Variants in MIER2 observed in about 807,000 individuals in gnomAD.
The protein encoded by MIER2 is MIER family member 2.
MIER2 carries 30 observed loss-of-function variants against 67.6 expected under a neutral mutation model. That is an observed-to-expected ratio of 0.44 (90% CI 0.33 to 0.60). The LOEUF (loss-of-function observed/expected upper bound fraction) is 0.60, where lower values mean the gene tolerates loss of function less well. Ranked by LOEUF, MIER2 falls within the 20% of genes least tolerant of loss-of-function variation. The probability of loss-of-function intolerance (pLI) is 0.02; values close to 1 mark genes in which losing one functional copy is unlikely to be tolerated. For missense variants in MIER2, 702 were observed against 745.1 expected (o/e 0.94, Z 0.67); for synonymous variants, 372 against 312.6 (o/e 1.19, Z -2.00).
chr19:335,119 C>G (rs1972180500), intron 2 of MIER2, among the ~76,000 whole-genome samples: 1 of 152,246 alleles, frequency 6.6e-6, no homozygotes, highest in Non-Finnish European at 1.5e-5. Flanking sequence ...CCCGAAAGAA[C>G]TGGGATGTGT....
chr19:328,125 C>A, intron 3 of MIER2, 136 bp from the exon 4 acceptor site: 1 of 1,211,562 alleles, frequency 8.3e-7, no homozygotes, highest in South Asian at 1.5e-5. Context: ...CACATGGCAG[C>A]ACTCCCCAGC....
chr19:341,638 A>G (rs941016580), intron 1 of MIER2, among the ~76,000 whole-genome samples: 5 of 151,910 alleles, frequency 3.3e-5, no homozygotes, highest in Non-Finnish European at 7.4e-5. Context: ...ACTCTACTTC[A>G]CTCACTCAGA....
intron 1 of MIER2, among the ~76,000 whole-genome samples, chr19:341,087 G>A (rs8112033): frequency 1.6e-4 from 24 of 152,108 alleles, no homozygotes; most frequent in African/African-American, 5.8e-4. Context: ...AAGCCACAGG[G>A]AAAGCATCCT....
chr19:324,803 G>A (rs1462391285), intron 7 of MIER2, among the ~76,000 whole-genome samples: 1 of 152,210 alleles, frequency 6.6e-6, no homozygotes, highest in East Asian at 1.9e-4. Context: ...GTGGGGAAAG[G>A]GCCCTGATGA....
At chr19:306,821 C>G (rs1970673328) in intron 13 of MIER2, 110 bp from the exon 14 acceptor site, 1 of 1,505,312 alleles carries the variant, frequency 6.6e-7, no homozygotes, top group Non-Finnish European at 9.0e-7. Context: ...GCCTCCCCCA[C>G]AGCCTATGGC....
At position 344,586 on chromosome 19, in the gene MIER2, C is replaced by CGGGCCGGGCCG. The variant is rs554122544; in HGVS notation, c.9+187_9+188insCGGCCCGGCCC. 8 of 244,550 alleles carry CGGGCCGGGCCG rather than the reference C, an allele frequency of 3.3e-5. 1 individual carries two copies. Among genetic ancestry groups the CGGGCCGGGCCG allele is most frequent in the African/African-American group, 1.2e-4 (5 of 42,234 alleles). The allele number at this position is 244,550 out of a possible 1,614,324, so 15.1% of individuals were successfully genotyped here. A position where few individuals can be genotyped will look rare whatever the true frequency, so the allele number is the denominator to read the frequency against. On this transcript the variant is annotated intron_variant, in intron 1 of 13. Coordinates refer to ENST00000264819, the MANE Select transcript of MIER2 (RefSeq NM_017550.3). ...GCCGGGGGAGTTGGGGGGTGGGGGC[C>CGGGCCGGGCCG]GGCCGGGGGCGGCCGCCGATGGAGC...
At chr19:310,578 G>GGCCGGGAGCTGCAGAAACACA in intron 10 of MIER2, among the ~76,000 whole-genome samples, 1 of 140,880 alleles carries the variant, frequency 7.1e-6, no homozygotes. Flanking sequence ...ATAGAAACAC[G>GGCCGGGAGCTGCAGAAACACA]GCCGGGAGCT....
intron 1 of MIER2, among the ~76,000 whole-genome samples, chr19:338,934 G>A (rs957591301): frequency 6.6e-6 from 1 of 152,024 alleles, no homozygotes; most frequent in Admixed American, 6.6e-5. Context: ...AAATATAAGA[G>A]CCAAAACCAC....
chr19:306,376 G>A lies in MIER2; in HGVS notation c.*314C>T, dbSNP rs1379153395. The A allele has an allele frequency of 5.7e-6, 3 of 524,820 alleles. No individual in the cohort carries two copies. Among genetic ancestry groups the A allele is most frequent in the East Asian group, 3.2e-5 (1 of 31,196 alleles). 32.5% of individuals were successfully genotyped at this position (524,820 alleles called of 1,614,324 possible). ...TGGAAGGGACTAGGTGGCCGGCTCT[G>A]CCCTGCGTCCCAACGGCGGGGTCTC... is the stretch of plus-strand genomic sequence containing the variant. On this transcript the variant is annotated 3_prime_UTR_variant, in exon 14 of 14. Transcript: ENST00000264819.
chr19:343,975 G>A, intron 1 of MIER2: 1 of 985,380 alleles, frequency 1.0e-6, no homozygotes, highest in Non-Finnish European at 1.2e-6. Flanking sequence ...AGTCCTAGGT[G>A]GGTTTGATCA....
At chr19:319,165 C>T (rs978540948) in intron 7 of MIER2, among the ~76,000 whole-genome samples, 1 of 151,618 alleles carries the variant, frequency 6.6e-6, no homozygotes, top group African/African-American at 2.4e-5. Context: ...AGTTTGAGAC[C>T]AGCCTGGCCA....
chr19:310,939 G>A (rs1004367070), intron 10 of MIER2, among the ~76,000 whole-genome samples: 9 of 152,184 alleles, frequency 5.9e-5, no homozygotes, highest in Admixed American at 2.6e-4. Context: ...ACCTCGCCCC[G>A]CTGTCTCCAA....
At chr19:336,844 T>C (rs1972279630) in intron 1 of MIER2, among the ~76,000 whole-genome samples, 1 of 152,152 alleles carries the variant, frequency 6.6e-6, no homozygotes, top group African/African-American at 2.4e-5. Flanking sequence ...CAATGTTCAA[T>C]ATCTCTCTTT....
At chr19:329,742 T>C (rs1473533956) in intron 3 of MIER2, among the ~76,000 whole-genome samples, 1 of 151,514 alleles carries the variant, frequency 6.6e-6, no homozygotes, top group Admixed American at 6.6e-5. Context: ...AAAAATTAGC[T>C]GGGGATGGTG....
Position 308,791 on chromosome 19 carries a change from C to A in MIER2, c.1109+10G>T. ...CGCCTGTCGTTACTGCTGGGGAGGG[C>A]TGCACGCACGTGGTTCCGGACGGGA... On this transcript the variant is annotated intron_variant, in intron 11 of 13. Transcript: ENST00000264819. This position sits in a 1 kb window ranked among gnomAD's most constrained non-coding sequence, Gnocchi z 9.1. 11 of 1,599,022 alleles carry A rather than the reference C, an allele frequency of 6.9e-6. No homozygotes were observed. The highest frequency in any genetic ancestry group is 9.4e-6 in the Non-Finnish European group (11 of 1,168,500).
chr19:319,773 A>G (rs1443132292), intron 7 of MIER2, among the ~76,000 whole-genome samples: 2 of 152,176 alleles, frequency 1.3e-5, no homozygotes, highest in African/African-American at 4.8e-5. Flanking sequence ...ATCTTAAAGA[A>G]TAATTCCTCC....
chr19:326,399 G>C lies in MIER2; in HGVS notation c.585+108C>G, dbSNP rs879107327. On this transcript the variant is annotated intron_variant, in intron 6 of 13. Coordinates refer to ENST00000264819, the MANE Select transcript of MIER2 (RefSeq NM_017550.3). Reference sequence around the variant, plus strand: ...TTGGGGACACGGCAGAGCCACGGCCGGGATGCCAGGCTGGGGAGACGGCAG... The same window carrying C: ...TTGGGGACACGGCAGAGCCACGGCCCGGATGCCAGGCTGGGGAGACGGCAG... 9.3e-6 allele frequency: 9 copies of C among 963,240 alleles called. 1 individual carries two copies. Among genetic ancestry groups the C allele is most frequent in the Non-Finnish European group, 1.5e-5 (9 of 601,726 alleles). The allele number at this position is 963,240 out of a possible 1,614,324, so 59.7% of individuals were successfully genotyped here.
At chr19:336,363 C>A (rs1254529598) in intron 1 of MIER2, among the ~76,000 whole-genome samples, 190 bp from the exon 2 acceptor site, 1 of 152,256 alleles carries the variant, frequency 6.6e-6, no homozygotes, top group African/African-American at 2.4e-5. Flanking sequence ...ACTCGCCCCG[C>A]CTCCCACCAA....
At chr19:341,574 C>T (rs2145573580) in intron 1 of MIER2, among the ~76,000 whole-genome samples, 1 of 152,266 alleles carries the variant, frequency 6.6e-6, no homozygotes, top group Non-Finnish European at 1.5e-5. Context: ...CTTCCTCCCG[C>T]TGCCCCTGCC....
Sources: allele counts gnomAD v4.1 joint callset (sites outside exome capture counted in the v4.1 genomes callset), GRCh38; gene constraint gnomAD v4.1.1; non-coding constraint Gnocchi (gnomAD v3.1); transcripts MANE v1.5; gene names NCBI Gene and HGNC (gene_info 2026-07-23, HGNC 2026-07-21).